The following PUDP variants were observed in gnomAD, a reference collection of about 807,000 sequenced individuals.
PUDP encodes the protein pseudouridine 5'-phosphatase.
A neutral mutation model predicts 9.4 loss-of-function variants in PUDP; 8 were observed. The ratio of observed to expected loss-of-function variants is 0.85; its 90% CI spans 0.50 to 1.53. PUDP has a LOEUF of 1.53. Ranked by LOEUF, PUDP falls within the 40% of genes most tolerant of loss-of-function variation. The pLI is 0.00. For synonymous variants in PUDP, 99 were observed against 80.7 expected, an observed-to-expected ratio of 1.23 and a Z score of -1.22; for missense variants, 188 against 189.7, an observed-to-expected ratio of 0.99 and a Z score of 0.05.
At chrX:6,870,672 T>C (rs1927161356) in intron 3 of PUDP, among the ~76,000 whole-genome samples, 2 of 112,681 alleles carry the variant, frequency 1.8e-5, no homozygotes. Flanking sequence ...GTAAATTTTA[T>C]GTTATGTGTA....
chrX:6,833,145 T>C (rs942569822), intron 3 of PUDP, among the ~76,000 whole-genome samples: 7 of 112,499 alleles, frequency 6.2e-5, no homozygotes, highest in African/African-American at 2.3e-4. Context: ...GACTACATTT[T>C]CACTGTACCA....
At chrX:6,804,092 G>T (rs978891177) in intron 3 of PUDP, among the ~76,000 whole-genome samples, 2 of 111,405 alleles carry the variant, frequency 1.8e-5, no homozygotes, top group Non-Finnish European at 3.8e-5. Context: ...GATCTCAAAG[G>T]CTCCAAAATT....
At position 6,809,281 on chromosome X, in the gene PUDP, A is replaced by T. The variant is rs752252890; in HGVS notation, c.*248-102815T>A. On this transcript the variant is annotated intron_variant and NMD_transcript_variant, in intron 3 of 3. Coordinates refer to the PUDP transcript ENST00000655425. ...TTCATACATCCCATGGGTTCTCAACATGGTCATCATCAATATGCTTTTTAA... is the reference window on the plus strand; with the variant it reads ...TTCATACATCCCATGGGTTCTCAACTTGGTCATCATCAATATGCTTTTTAA... 2.7e-3 allele frequency among the ~76,000 whole-genome samples: 299 copies of T among 110,433 alleles called. 1 individual carries two copies. The highest frequency in any genetic ancestry group is 9.3e-3 in the African/African-American group (282 of 30,344).
chrX:6,990,977 A>G (rs1205004577), intron 1 of PUDP, among the ~76,000 whole-genome samples: 7 of 112,718 alleles, frequency 6.2e-5, no homozygotes, highest in Non-Finnish European at 1.3e-4. Flanking sequence ...CACGGGCACA[A>G]GAGTGCTGAT....
chrX:6,730,451 T>C (rs1175696410), intron 3 of PUDP, among the ~76,000 whole-genome samples: 1 of 112,251 alleles, frequency 8.9e-6, no homozygotes, highest in Non-Finnish European at 1.9e-5. Flanking sequence ...AATCACTAAA[T>C]GATGGGAAAA....
chrX:6,881,823 T>A (rs1213279129), intron 3 of PUDP, among the ~76,000 whole-genome samples: 1 of 110,918 alleles, frequency 9.0e-6, no homozygotes, highest in East Asian at 2.8e-4. Context: ...CTAACCCTTG[T>A]CAGGGCATTT....
At chrX:6,882,399 C>T (rs975228787) in intron 3 of PUDP, among the ~76,000 whole-genome samples, 1 of 111,432 alleles carries the variant, frequency 9.0e-6, no homozygotes, top group African/African-American at 3.3e-5. Context: ...GATGTTCTAG[C>T]CACTCCCATT....
chrX:6,836,135 C>T (rs1239963831), intron 3 of PUDP, among the ~76,000 whole-genome samples: 1 of 111,441 alleles, frequency 9.0e-6, no homozygotes, highest in Non-Finnish European at 1.9e-5. Flanking sequence ...GTATTTTATG[C>T]ATAAGTTCTT....
At chrX:7,068,486 G>A (rs1056325700) in intron 3 of PUDP, among the ~76,000 whole-genome samples, 1 of 111,644 alleles carries the variant, frequency 9.0e-6, no homozygotes, top group Admixed American at 9.5e-5. Context: ...CTCAGGCTGG[G>A]AATGAGACCT....
At chrX:6,777,601 G>A (rs745619453) in intron 3 of PUDP, among the ~76,000 whole-genome samples, 6 of 112,116 alleles carry the variant, frequency 5.4e-5, no homozygotes, top group African/African-American at 1.9e-4. Context: ...GTATATTTCT[G>A]GCTTATTTTC....
intron 1 of PUDP, among the ~76,000 whole-genome samples, chrX:7,027,306 T>G (rs1480522124): frequency 1.8e-5 from 2 of 111,074 alleles, no homozygotes; most frequent in Admixed American, 9.7e-5. Context: ...CTGCAGAAGT[T>G]GGCTCAAGTG....
intron 3 of PUDP, among the ~76,000 whole-genome samples, chrX:6,966,965 T>C (rs1279101578): frequency 8.9e-6 from 1 of 111,927 alleles, no homozygotes; most frequent in Non-Finnish European, 1.9e-5. Context: ...TGGAAGCTGA[T>C]TCCCGGTTGG....
chrX:6,953,959 T>A (rs948023803), intron 3 of PUDP, among the ~76,000 whole-genome samples: 2 of 110,779 alleles, frequency 1.8e-5, no homozygotes, highest in Non-Finnish European at 3.8e-5. Flanking sequence ...TCAATGATAG[T>A]GAGTGAGTCC....
At chrX:6,971,755 G>C (rs770111985) in intron 3 of PUDP, among the ~76,000 whole-genome samples, 22 of 111,707 alleles carry the variant, frequency 2.0e-4, no homozygotes, top group Middle Eastern at 4.6e-3. Context: ...TGTGAAGAAA[G>C]TCAGTGGTAG....
chrX:6,751,915 C>A (rs1925095081), intron 3 of PUDP, among the ~76,000 whole-genome samples: 1 of 110,842 alleles, frequency 9.0e-6, no homozygotes, highest in African/African-American at 3.3e-5. Context: ...CTTCTTATAA[C>A]CCCTCTCTGT....
At chrX:6,773,970 C>G (rs1347636994) in intron 3 of PUDP, among the ~76,000 whole-genome samples, 1 of 111,310 alleles carries the variant, frequency 9.0e-6, no homozygotes, top group African/African-American at 3.3e-5. Flanking sequence ...GAAACCCTGT[C>G]TCTACTAAAA....
chrX:7,141,693 C>CATGA (rs1932796711), intron 1 of PUDP, among the ~76,000 whole-genome samples: 2 of 111,543 alleles, frequency 1.8e-5, no homozygotes, highest in South Asian at 7.2e-4. Context: ...AAGAAAATGC[C>CATGA]ACCCATGACG....
intron 2 of PUDP, 149 bp from the exon 3 acceptor site, chrX:7,077,598 C>T (rs1930954997): frequency 1.3e-5 from 6 of 454,879 alleles, no homozygotes; most frequent in South Asian, 3.6e-5. Flanking sequence ...TGTCTAAAAG[C>T]GGTTGTCAGC....
chrX:6,843,822 A>C (rs1160188502), intron 3 of PUDP, among the ~76,000 whole-genome samples: 1 of 112,707 alleles, frequency 8.9e-6, no homozygotes, highest in Non-Finnish European at 1.9e-5. Context: ...TGAAACTTGA[A>C]TTTACCTGTC....
Sources: gnomAD v4.1 joint callset for allele counts (sites outside exome capture counted in the v4.1 genomes callset) on GRCh38, gnomAD v4.1.1 for gene constraint, MANE v1.5 for transcripts, NCBI Gene and HGNC (gene_info 2026-07-23, HGNC 2026-07-21) for gene names.